The following UTP20 variants were observed in gnomAD, a reference collection of about 807,000 sequenced individuals.
UTP20 encodes small subunit processome component 20 homolog.
A neutral mutation model predicts 329.5 loss-of-function variants in UTP20; 164 were observed. The observed-to-expected ratio is 0.50, with a 90% CI of 0.44 to 0.57. The LOEUF is 0.57. Ranked by LOEUF, UTP20 falls within the 20% of genes least tolerant of loss-of-function variation. The pLI is 0.00. For missense variants in UTP20, 3,055 were observed against 3,284.2 expected, an observed-to-expected ratio of 0.93 and a Z score of 1.71; for synonymous variants, 1,151 against 1,159.3, an observed-to-expected ratio of 0.99 and a Z score of 0.14.
At chr12:101,314,289 C>A (rs1478494450) in intron 21 of UTP20, among the ~76,000 whole-genome samples, 1 of 152,140 alleles carries the variant, frequency 6.6e-6, no homozygotes, top group East Asian at 1.9e-4. Flanking sequence ...TTTGGAGTGA[C>A]CTTAGTCAGA....
chr12:101,296,186 T>C (rs1274038171), intron 12 of UTP20, among the ~76,000 whole-genome samples: 1 of 152,226 alleles, frequency 6.6e-6, no homozygotes, highest in Non-Finnish European at 1.5e-5. Flanking sequence ...TAGTCATATG[T>C]AGTTTTATCC....
At position 101,340,557 on chromosome 12, in the gene UTP20, T is replaced by G; in HGVS notation, c.4048T>G (p.Ser1350Ala). The G allele has an allele frequency of 6.2e-7, 1 of 1,612,010 alleles. No individual in the cohort carries two copies. Among genetic ancestry groups the G allele is most frequent in the Non-Finnish European group, 8.5e-7 (1 of 1,179,194 alleles). ...GTTTATGAAAGACAAAGAACAAAGT[T>G]CTGTACTCATTACGCTTCTCCTTCC... ...SKFMKDKEQS[S>A]VLITLLLPFL... is the part of the protein sequence containing the mutation. The change falls in exon 32 of 62, where the codon TCT (serine) becomes GCT (alanine). Residue 1350 changes from serine (S) to alanine (A), a missense_variant. Ser to Ala is a moderately conservative substitution (Grantham distance 99). Transcript: ENST00000261637.
In UTP20 at chr12:101,308,430, T is replaced by TAAG. The variant is rs1211363579; in HGVS notation, c.2154+89_2154+90insGAA. ...GCACATCAAGTAGTCACCAAAATAA[T>TAAG]AATAATAATAATAATAATAATTTAA... On this transcript the variant is annotated intron_variant, in intron 18 of 61. Coordinates refer to ENST00000261637, the MANE Select transcript of UTP20 (RefSeq NM_014503.3). The TAAG allele has an allele frequency of 6.2e-6, 4 of 640,800 alleles. No individual in the cohort carries two copies. The East Asian group carries it at 2.7e-4, about 43-fold the overall frequency. The allele number at this position is 640,800 out of a possible 1,614,324, so 39.7% of individuals were successfully genotyped here. A position where few individuals can be genotyped will look rare whatever the true frequency, so the allele number is the denominator to read the frequency against.
chr12:101,342,295 T>C lies in UTP20; in HGVS notation c.4102-151T>C, dbSNP rs912468593. Reference sequence around the variant, plus strand: ...TGGGTTTTACATTAAATTAAAATGCTAAAAACTTTTAAAAGACGATAAAAT... The same window carrying C: ...TGGGTTTTACATTAAATTAAAATGCCAAAAACTTTTAAAAGACGATAAAAT... On this transcript the variant is annotated intron_variant, in intron 32 of 61. Coordinates refer to ENST00000261637, the MANE Select transcript of UTP20 (RefSeq NM_014503.3). 21 of 617,902 alleles carry C rather than the reference T, an allele frequency of 3.4e-5. No individual in the cohort carries two copies. The South Asian group carries it at 7.2e-4, about 21-fold the overall frequency. The allele number at this position is 617,902 out of a possible 1,614,324, so 38.3% of individuals were successfully genotyped here.
In UTP20 at chr12:101,374,819, A is replaced by G. The variant is rs1870418313; in HGVS notation, c.7143A>G (p.Arg2381=). ...TWFGAKKRLN[R]QLAALICGLF... is the part of the protein sequence containing the mutation. ...TTTATTTTTGGTAGCGCTTAAATAG[A>G]CAACTTGCTGCCCTGATCTGTGGCT... The change falls in exon 55 of 62, where the codon AGA becomes AGG. Residue 2381 remains arginine, a synonymous_variant. Transcript: ENST00000261637. The G allele has an allele frequency of 9.0e-7, 1 of 1,111,940 alleles. No individual in the cohort carries two copies. Among genetic ancestry groups the G allele is most frequent in the Non-Finnish European group, 1.4e-6 (1 of 720,802 alleles). The allele number at this position is 1,111,940 out of a possible 1,614,324, so 68.9% of individuals were successfully genotyped here. A position where few individuals can be genotyped will look rare whatever the true frequency, so the allele number is the denominator to read the frequency against.
intron 15 of UTP20, among the ~76,000 whole-genome samples, chr12:101,304,130 G>A (rs978209281): frequency 1.3e-5 from 2 of 152,192 alleles, no homozygotes; most frequent in Non-Finnish European, 2.9e-5. Flanking sequence ...TGTCCAACAG[G>A]AGTGGCTCTG....
chr12:101,309,049 A>T (rs1194349290), intron 18 of UTP20, among the ~76,000 whole-genome samples: 1 of 152,112 alleles, frequency 6.6e-6, no homozygotes, highest in Non-Finnish European at 1.5e-5. Flanking sequence ...TCTATGTTTT[A>T]TATCAGGGTT....
chr12:101,367,956 C>T lies in UTP20; in HGVS notation c.6364C>T (p.Leu2122=), dbSNP rs1276339444. ...DPFVSLLIDC[L]GSMDVKVITG... ...TTTTGTGTCTCTCCTCATAGACTGC[C>T]TGGGCTCCATGGATGTGAAGGTAAG... Residue 2122 remains leucine (L), a synonymous_variant, in exon 48 of 62, where the codon CTG becomes TTG. Transcript: ENST00000261637. 6.2e-7 allele frequency: 1 copy of T among 1,612,936 alleles called. No homozygotes were observed. Among genetic ancestry groups the T allele is most frequent in the Non-Finnish European group, 8.5e-7 (1 of 1,179,034 alleles).
chr12:101,317,383 C>A, intron 21 of UTP20, 95 bp from the exon 22 acceptor site: 1 of 1,344,644 alleles, frequency 7.4e-7, no homozygotes, highest in Non-Finnish European at 1.0e-6. Flanking sequence ...GTGTGTGATT[C>A]TGTGAACTGT....
In UTP20 at chr12:101,342,798, T is replaced by G. The variant is rs1345634315; in HGVS notation, c.4257T>G (p.Asp1419Glu). 1 of 1,613,234 alleles carries G rather than the reference T, an allele frequency of 6.2e-7. No homozygotes were observed. Among genetic ancestry groups the G allele is most frequent in the Non-Finnish European group, 8.5e-7 (1 of 1,179,608 alleles). ...LLCTVFETLS[D>E]FESGLKYITD... is the part of the protein sequence containing the mutation. ...TTCTTTCCTTTCAGACTCTTTCTGA[T>G]TTTGAGAGTGGGTTAAAATATATTA... Residue 1419 changes from aspartate (D) to glutamate (E), a missense_variant, in exon 34 of 62, where the codon GAT becomes GAG. Around this residue, in one of 3 missense-constraint regions of UTP20, gnomAD observed 2,445 missense variants for 2,575.5 expected, o/e 0.95. Coordinates refer to ENST00000261637, the MANE Select transcript of UTP20 (RefSeq NM_014503.3).
At position 101,309,765 on chromosome 12, in the gene UTP20, G is replaced by A. The variant is rs1305953559; in HGVS notation, c.2157G>A (p.Val719=). 6.2e-7 allele frequency: 1 copy of A among 1,613,526 alleles called. No homozygotes were observed. Among genetic ancestry groups the A allele is most frequent in the Non-Finnish European group, 8.5e-7 (1 of 1,179,868 alleles). The change falls in exon 19 of 62, where the codon GTG becomes GTA. Residue 719 remains valine (V), a splice_region_variant and synonymous_variant. Transcript: ENST00000261637. The part of the protein sequence containing the change: ...TAVPDGPLQE[V]PLRYLLGMLY... The stretch of plus-strand genomic sequence containing the variant: ...AAACTAGTCTTTTGTAATTGCAGGT[G>A]CCGCTTCGTTATTTGTTAGGCATGC...
intron 60 of UTP20, among the ~76,000 whole-genome samples, chr12:101,384,144 T>C (rs1870750693): frequency 1.3e-5 from 2 of 152,228 alleles, no homozygotes; most frequent in Admixed American, 1.3e-4. Context: ...TGCTTTATCC[T>C]CAACATAGAT....
chr12:101,340,404 A>G, intron 31 of UTP20, 119 bp from the exon 32 acceptor site: 3 of 607,006 alleles, frequency 4.9e-6, no homozygotes, highest in Non-Finnish European at 8.5e-6. Flanking sequence ...CTTAAAAGCT[A>G]GCTGTGTATT....
At chr12:101,327,866 A>G (rs1868619063) in intron 26 of UTP20, among the ~76,000 whole-genome samples, 1 of 151,956 alleles carries the variant, frequency 6.6e-6, no homozygotes, top group African/African-American at 2.4e-5. Context: ...ATGTTATGAC[A>G]GACCCATTTA....
chr12:101,327,102 G>A lies in UTP20; in HGVS notation c.3063G>A (p.Lys1021=), dbSNP rs755741069. 1.9e-6 allele frequency: 3 copies of A among 1,607,698 alleles called. No individual in the cohort carries two copies. Among genetic ancestry groups the A allele is most frequent in the African/African-American group, 1.3e-5 (1 of 74,940 alleles). Reference sequence around the variant, plus strand: ...TCAGAATTTTGTATGGGCGAATGAAGAATAAGACTGGGAGTAAAACTCAGG... The same window carrying A: ...TCAGAATTTTGTATGGGCGAATGAAAAATAAGACTGGGAGTAAAACTCAGG... ...ILMRILYGRM[K]NKTGSKTQGK... is the part of the protein sequence containing the mutation. The change falls in exon 26 of 62, where the codon AAG becomes AAA. Residue 1021 remains lysine, a synonymous_variant. Coordinates refer to ENST00000261637, the MANE Select transcript of UTP20 (RefSeq NM_014503.3).
At chr12:101,364,673 G>A (rs1870035771) in intron 45 of UTP20, among the ~76,000 whole-genome samples, 1 of 152,120 alleles carries the variant, frequency 6.6e-6, no homozygotes, top group Admixed American at 6.5e-5. Context: ...TTAGTTTTGT[G>A]TATTAAAACT....
rs184737213 is a variant in UTP20 at position 101,358,936 on chromosome 12, A to G, written c.5691+1854A>G. On this transcript the variant is annotated intron_variant, in intron 43 of 61. Coordinates refer to ENST00000261637, the MANE Select transcript of UTP20 (RefSeq NM_014503.3). ...TTTCTCAGGCTGCTTTAAAGACTTT[A>G]TCGTTATTTTTCAGCAGTTTGATCA... Among the ~76,000 whole-genome samples, 34 of 152,102 alleles carry G rather than the reference A, an allele frequency of 2.2e-4. No homozygotes were observed. In the East Asian group the frequency reaches 5.2e-3, roughly 23 times the overall value.
intron 15 of UTP20, among the ~76,000 whole-genome samples, chr12:101,305,345 A>G (rs1445043274): frequency 6.6e-6 from 1 of 151,710 alleles, no homozygotes; most frequent in Non-Finnish European, 1.5e-5. Flanking sequence ...GTAGGTACTC[A>G]ATGAATATTT....
chr12:101,384,905 C>G (rs1053555660), intron 60 of UTP20, among the ~76,000 whole-genome samples: 3 of 152,106 alleles, frequency 2.0e-5, no homozygotes, highest in African/African-American at 7.2e-5. Flanking sequence ...TAATGAGCAT[C>G]TAATATCTGC....
Sources: gnomAD v4.1 joint callset for allele counts (sites outside exome capture counted in the v4.1 genomes callset) on GRCh38, gnomAD v4.1.1 for gene constraint, gnomAD v4.1.1 regional missense constraint, MANE v1.5 for transcripts, NCBI Gene and HGNC (gene_info 2026-07-23, HGNC 2026-07-21) for gene names.